POM121C: variants seen among roughly 807,000 people sequenced by gnomAD.
The protein encoded by POM121C is nuclear envelope pore membrane protein POM 121C.
Under a neutral mutation model 66.4 loss-of-function variants are expected in POM121C, and 20 were observed. That is an observed-to-expected ratio of 0.30 (90% CI 0.21 to 0.44). POM121C has a LOEUF of 0.44. Ranked by LOEUF, POM121C falls within the 20% of genes least tolerant of loss-of-function variation. POM121C has a pLI of 1.00. For missense variants in POM121C, 580 were observed against 1,225.7 expected, an observed-to-expected ratio of 0.47 and a Z score of 7.87; for synonymous variants, 286 against 528.0, an observed-to-expected ratio of 0.54 and a Z score of 6.28.
chr7:75,467,531 CAAAAA>C (rs58341825), intron 3 of POM121C, among the ~76,000 whole-genome samples: 1 of 65,386 alleles, frequency 1.5e-5, no homozygotes, highest in Non-Finnish European at 2.7e-5. Context: ...GATTCTGTCT[CAAAAA>C]AAAAAAAAAA....
chr7:75,439,311 A>G, intron 5 of POM121C, 87 bp from the exon 6 acceptor site: 1 of 1,552,402 alleles, frequency 6.4e-7, no homozygotes. Flanking sequence ...GGGACCTTAT[A>G]CTATCTCTAT....
At chr7:75,440,902 C>T in intron 5 of POM121C, 52 bp downstream of exon 5, 4 of 1,613,548 alleles carry the variant, frequency 2.5e-6, no homozygotes, top group East Asian at 2.2e-5. Flanking sequence ...TACATCTCAT[C>T]CCATAGGGGT....
intron 3 of POM121C, among the ~76,000 whole-genome samples, chr7:75,468,053 A>C (rs1554478101): frequency 6.7e-6 from 1 of 149,874 alleles, no homozygotes; most frequent in East Asian, 2.0e-4. Context: ...AATTGCTTGA[A>C]CTGAGGAGGC....
In POM121C at chr7:75,417,164, C is replaced by T. The variant is rs772507848; in HGVS notation, c.*1632G>A. ...TGCACACGCAGCCAGGTATAACACT[C>T]GCCCTCAGTCACAACGGGGAGGGGG... is the stretch of plus-strand genomic sequence containing the variant. On this transcript the variant is annotated 3_prime_UTR_variant, in exon 15 of 15. Coordinates refer to ENST00000615331, the MANE Select transcript of POM121C (RefSeq NM_001099415.3). The T allele has an allele frequency of 2.4e-4, 239 of 987,078 alleles. No individual in the cohort carries two copies. Among genetic ancestry groups the T allele is most frequent in the Middle Eastern group, 5.1e-4 (1 of 1,944 alleles). 61.1% of individuals were successfully genotyped at this position (987,078 alleles called of 1,614,324 possible). A position where few individuals can be genotyped will look rare whatever the true frequency, so the allele number is the denominator to read the frequency against.
chr7:75,426,857 G>T (rs1320578684), intron 7 of POM121C, among the ~76,000 whole-genome samples: 8 of 134,618 alleles, frequency 5.9e-5, no homozygotes, highest in Non-Finnish European at 1.3e-4. Flanking sequence ...TGTTTGTGAA[G>T]AAAGACCCCT....
intron 7 of POM121C, among the ~76,000 whole-genome samples, chr7:75,432,993 G>C (rs1464806420): frequency 6.6e-6 from 1 of 152,072 alleles, no homozygotes; most frequent in Non-Finnish European, 1.5e-5. Context: ...CCAGCACTTT[G>C]GGAGGCCAGG....
intron 3 of POM121C, among the ~76,000 whole-genome samples, chr7:75,465,274 C>A (rs868917194): frequency 5.3e-5 from 8 of 151,528 alleles, no homozygotes; most frequent in African/African-American, 7.3e-5. Context: ...GGATTATAAG[C>A]GTGAGCCACC....
chr7:75,439,045 A>T, intron 6 of POM121C, 99 bp downstream of exon 6: 1 of 1,322,648 alleles, frequency 7.6e-7, no homozygotes, highest in Non-Finnish European at 1.1e-6. Flanking sequence ...GAACTAATTA[A>T]GCAATGCAAA....
intron 7 of POM121C, among the ~76,000 whole-genome samples, chr7:75,435,494 T>G (rs1554472938): frequency 6.6e-6 from 1 of 152,194 alleles, no homozygotes; most frequent in Non-Finnish European, 1.5e-5. Context: ...AACAAGTATT[T>G]TATGTAATTT....
intron 7 of POM121C, among the ~76,000 whole-genome samples, chr7:75,432,585 T>G (rs1243433401): frequency 2.0e-5 from 3 of 152,088 alleles, no homozygotes; most frequent in Admixed American, 1.3e-4. Flanking sequence ...GTGATGAAAA[T>G]GTTTTATTAC....
Position 75,474,714 on chromosome 7 carries a change from T to G in POM121C, c.-162A>C. 6.7e-7 allele frequency: 1 copy of G among 1,484,042 alleles called. No homozygotes were observed. The highest frequency in any genetic ancestry group is 1.1e-5 in the South Asian group (1 of 88,032). 91.9% of individuals were successfully genotyped at this position (1,484,042 alleles called of 1,614,324 possible). A position where few individuals can be genotyped will look rare whatever the true frequency, so the allele number is the denominator to read the frequency against. On this transcript the variant is annotated 5_prime_UTR_variant, in exon 3 of 15. Coordinates refer to ENST00000615331, the MANE Select transcript of POM121C (RefSeq NM_001099415.3). ...ACTCTACTAACTTACCAGGACTATGTTGACATGGAAATTCACCTCCCGTTA... is the reference window on the plus strand; with the variant it reads ...ACTCTACTAACTTACCAGGACTATGGTGACATGGAAATTCACCTCCCGTTA...
At chr7:75,430,535 T>C (rs1790126056) in intron 7 of POM121C, among the ~76,000 whole-genome samples, 1 of 152,306 alleles carries the variant, frequency 6.6e-6, no homozygotes, top group Non-Finnish European at 1.5e-5. Flanking sequence ...TCAGGTGGAT[T>C]ATGGATTTAC....
chr7:75,435,283 T>A (rs1790360628), intron 7 of POM121C, among the ~76,000 whole-genome samples: 1 of 152,156 alleles, frequency 6.6e-6, no homozygotes, highest in Non-Finnish European at 1.5e-5. Flanking sequence ...AAAGCAAGGT[T>A]CAAATCTATA....
chr7:75,452,868 A>T (rs587633646), intron 3 of POM121C, among the ~76,000 whole-genome samples: 1 of 152,312 alleles, frequency 6.6e-6, no homozygotes, highest in South Asian at 2.1e-4. Context: ...ACCACCTGTA[A>T]GTAAAAAGTG....
chr7:75,430,258 A>C (rs1429993954), intron 7 of POM121C, among the ~76,000 whole-genome samples: 1 of 152,224 alleles, frequency 6.6e-6, no homozygotes, highest in African/African-American at 2.4e-5. Flanking sequence ...GACTCTATCA[A>C]GACTTAAAGT....
rs189506230 is a variant in POM121C, at chr7:75,437,594, C to T, written c.401G>A (p.Gly134Asp). Residue 134 changes from glycine to aspartate, a missense_variant, in exon 7 of 15, where the codon GGC becomes GAC. Coordinates refer to ENST00000615331, the MANE Select transcript of POM121C (RefSeq NM_001099415.3). ...GCTAGGGATGCCACTTGTGTAAGCG[C>T]CTGTCAAGGAGCTCATGGAAGAGCT... ...SRSSSMSSLT[G>D]AYTSGIPSSS... 1.5e-3 allele frequency: 2,461 copies of T among 1,613,920 alleles called. 2 individuals carry two copies. Among genetic ancestry groups the T allele is most frequent in the Non-Finnish European group, 1.9e-3 (2,297 of 1,179,864 alleles).
At chr7:75,423,814 A>G (rs587735523) in intron 12 of POM121C, among the ~76,000 whole-genome samples, 1 of 152,094 alleles carries the variant, frequency 6.6e-6, no homozygotes, top group Non-Finnish European at 1.5e-5. Flanking sequence ...GAGGAAGGCG[A>G]GGCTCAGGGC....
At position 75,418,585 on chromosome 7, in the gene POM121C, G is replaced by T; in HGVS notation, c.*211C>A. On this transcript the variant is annotated 3_prime_UTR_variant, in exon 15 of 15. Coordinates refer to ENST00000615331, the MANE Select transcript of POM121C (RefSeq NM_001099415.3). Reference sequence around the variant, plus strand: ...TGTTCAAGTAGAGGTCCCGGGCTTTGGCCCTCCGCATCCTGCTTCCCCTTC... The same window carrying T: ...TGTTCAAGTAGAGGTCCCGGGCTTTTGCCCTCCGCATCCTGCTTCCCCTTC... 7.5e-7 allele frequency: 1 copy of T among 1,336,656 alleles called. No homozygotes were observed. The highest frequency in any genetic ancestry group is 9.7e-7 in the Non-Finnish European group (1 of 1,031,596). The allele number at this position is 1,336,656 out of a possible 1,614,324, so 82.8% of individuals were successfully genotyped here.
chr7:75,439,181 G>A lies in POM121C; in HGVS notation c.271C>T (p.Leu91=). 1 of 1,614,240 alleles carries A rather than the reference G, an allele frequency of 6.2e-7. No homozygotes were observed. Among genetic ancestry groups the A allele is most frequent in the Admixed American group, 1.7e-5 (1 of 60,026 alleles). ...SGSGHSAFEP[L]VASGVPASFV... ...GAAGCGGGGACTCCACTGGCCACCA[G>A]GGGCTCAAATGCTGAATGTCCACTG... Residue 91 remains leucine (L), a synonymous_variant, in exon 6 of 15, where the codon CTG becomes TTG. Coordinates refer to ENST00000615331, the MANE Select transcript of POM121C (RefSeq NM_001099415.3).
Sources: gnomAD v4.1 joint callset for allele counts (sites outside exome capture counted in the v4.1 genomes callset) on GRCh38, gnomAD v4.1.1 for gene constraint, MANE v1.5 for transcripts, NCBI Gene and HGNC (gene_info 2026-07-23, HGNC 2026-07-21) for gene names.